Variants in CCSER1 observed in about 807,000 individuals in gnomAD.
The protein encoded by CCSER1 is serine-rich coiled-coil domain-containing protein 1.
In CCSER1, 41 loss-of-function variants were observed where a neutral mutation model predicts 82.0. The ratio of observed to expected loss-of-function variants is 0.50; its 90% CI spans 0.39 to 0.65. The LOEUF (loss-of-function observed/expected upper bound fraction) is 0.65, where lower values mean the gene tolerates loss of function less well. Among genes scored for constraint, CCSER1 ranks in the 30% least tolerant of loss-of-function variants. The pLI is 0.00. For synonymous variants in CCSER1, 414 were observed against 383.9 expected, an observed-to-expected ratio of 1.08 and a Z score of -0.92; for missense variants, 1,119 against 1,064.2, an observed-to-expected ratio of 1.05 and a Z score of -0.72.
chr4:91,339,332 T>C (rs886539823), intron 10 of CCSER1, among the ~76,000 whole-genome samples: 1 of 152,168 alleles, frequency 6.6e-6, no homozygotes, highest in African/African-American at 2.4e-5. Context: ...ATTAATAAAG[T>C]TGAAAGATTC....
At chr4:91,418,303 T>TAAAAA (rs142070235) in intron 10 of CCSER1, among the ~76,000 whole-genome samples, 5 of 113,634 alleles carry the variant, frequency 4.4e-5, no homozygotes, top group South Asian at 3.1e-4. Flanking sequence ...ATTTTTTAAT[T>TAAAAA]AAAAAAAAAA....
At chr4:90,784,301 T>C (rs7661466) in intron 7 of CCSER1, among the ~76,000 whole-genome samples, 89,590 of 152,028 alleles carry the variant, frequency 0.59, 26,746 homozygotes, top group African/African-American at 0.68. Flanking sequence ...AAGTGTTCTC[T>C]ATATGAAGAC....
intron 9 of CCSER1, among the ~76,000 whole-genome samples, chr4:91,075,106 T>C (rs1198049784): frequency 6.6e-6 from 1 of 152,092 alleles, no homozygotes; most frequent in Non-Finnish European, 1.5e-5. Context: ...AAAGTGGGTC[T>C]GTATGCCAGC....
intron 5 of CCSER1, among the ~76,000 whole-genome samples, chr4:90,586,358 T>C (rs1237581686): frequency 6.6e-6 from 1 of 152,188 alleles, no homozygotes; most frequent in Non-Finnish European, 1.5e-5. Context: ...TAAGTGTTGC[T>C]AAAAAATAAG....
intron 10 of CCSER1, among the ~76,000 whole-genome samples, chr4:91,469,627 G>A (rs1757150941): frequency 6.6e-6 from 1 of 152,150 alleles, no homozygotes; most frequent in Non-Finnish European, 1.5e-5. Context: ...CCTAGGTTGA[G>A]TTAGGTCAAA....
At chr4:90,851,115 T>C (rs1158140623) in intron 8 of CCSER1, among the ~76,000 whole-genome samples, 1 of 152,206 alleles carries the variant, frequency 6.6e-6, no homozygotes, top group Non-Finnish European at 1.5e-5. Flanking sequence ...ACCACGATTG[T>C]TAAGTTTTCT....
chr4:90,904,727 T>A (rs1464016494), intron 8 of CCSER1, among the ~76,000 whole-genome samples: 1 of 152,150 alleles, frequency 6.6e-6, no homozygotes, highest in African/African-American at 2.4e-5. Context: ...TGCATTCATG[T>A]AAAGATTCCT....
chr4:90,325,930 A>G (rs1738097768), intron 3 of CCSER1, among the ~76,000 whole-genome samples: 1 of 152,208 alleles, frequency 6.6e-6, no homozygotes, highest in Non-Finnish European at 1.5e-5. Context: ...ACTCTTTTTA[A>G]GTAATTTTAA....
intron 4 of CCSER1, among the ~76,000 whole-genome samples, chr4:90,461,636 A>C (rs1762946746): frequency 6.6e-6 from 1 of 151,780 alleles, no homozygotes; most frequent in African/African-American, 2.4e-5. Flanking sequence ...CTTTTAGCAC[A>C]CTCTTTCCTG....
chr4:90,616,758 GGA>G lies in CCSER1; in HGVS notation c.1725-11258_1725-11257del, dbSNP rs544545146. On this transcript the variant is annotated intron_variant, in intron 5 of 10. Transcript: ENST00000509176. ...ACACACAAATAAAATAAAATAAAAG[GGA>G]GAGAGAGAAAAAATGTTTTAGGTTA... Among the ~76,000 whole-genome samples the G allele has an allele frequency of 3.6e-3, 497 of 138,190 alleles. 1 individual carries two copies. The highest frequency in any genetic ancestry group is 0.013 in the South Asian group (56 of 4,216). 90.7% of individuals were successfully genotyped at this position (138,190 alleles called of 152,430 possible).
intron 10 of CCSER1, among the ~76,000 whole-genome samples, chr4:91,311,349 C>T (rs1479012622): frequency 6.6e-6 from 1 of 151,896 alleles, no homozygotes; most frequent in African/African-American, 2.4e-5. Flanking sequence ...CAAGAGCTAT[C>T]AAAATTACAA....
chr4:90,566,809 A>T (rs112998193), intron 5 of CCSER1, among the ~76,000 whole-genome samples: 1,875 of 151,876 alleles, frequency 0.012, 35 homozygotes, highest in African/African-American at 0.04. Flanking sequence ...TCACCGTGTT[A>T]GCCAGGATGT....
intron 5 of CCSER1, among the ~76,000 whole-genome samples, chr4:90,524,070 T>C (rs1280950676): frequency 2.0e-5 from 3 of 152,044 alleles, no homozygotes; most frequent in Non-Finnish European, 4.4e-5. Flanking sequence ...AAAAAACATA[T>C]ATTTATGAGA....
chr4:90,864,442 T>C (rs972323894), intron 8 of CCSER1, among the ~76,000 whole-genome samples: 2 of 151,884 alleles, frequency 1.3e-5, no homozygotes, highest in Non-Finnish European at 2.9e-5. Context: ...TAGGAGTAAG[T>C]TCGCTATCTA....
At chr4:91,319,165 A>G (rs766073982) in intron 10 of CCSER1, 1 of 225,660 alleles carries the variant, frequency 4.4e-6, no homozygotes, top group Non-Finnish European at 9.1e-6. Context: ...TAGATGATGC[A>G]TAAGTTTACA....
chr4:91,005,506 T>C (rs550249169), intron 9 of CCSER1, among the ~76,000 whole-genome samples: 1 of 151,996 alleles, frequency 6.6e-6, no homozygotes, highest in Non-Finnish European at 1.5e-5. Flanking sequence ...ACCCCTATGC[T>C]TGCCTGTAAG....
intron 10 of CCSER1, among the ~76,000 whole-genome samples, chr4:91,530,439 A>G (rs73838034): frequency 0.055 from 8,377 of 152,166 alleles, 246 homozygotes; most frequent in Middle Eastern, 0.078. Flanking sequence ...ATTATCAAAA[A>G]TAACAAAACA....
chr4:91,379,765 T>G (rs1750727259), intron 10 of CCSER1, among the ~76,000 whole-genome samples: 1 of 152,228 alleles, frequency 6.6e-6, no homozygotes, highest in Non-Finnish European at 1.5e-5. Context: ...TGCTCTGATC[T>G]TAGTTATTTC....
At chr4:90,793,091 G>A (rs1755494506) in intron 7 of CCSER1, among the ~76,000 whole-genome samples, 1 of 152,224 alleles carries the variant, frequency 6.6e-6, no homozygotes, top group Non-Finnish European at 1.5e-5. Context: ...TAATGGAGAT[G>A]TGTTTGATGT....
Sources: gnomAD v4.1 joint callset for allele counts (sites outside exome capture counted in the v4.1 genomes callset) on GRCh38, gnomAD v4.1.1 for gene constraint, MANE v1.5 for transcripts, NCBI Gene and HGNC (gene_info 2026-07-23, HGNC 2026-07-21) for gene names.